PHF19: variants seen among roughly 807,000 people sequenced by gnomAD.
PHF19 encodes polycomb like 3.
PHF19 carries 21 observed loss-of-function variants against 79.8 expected under a neutral mutation model. The ratio of observed to expected loss-of-function variants is 0.26; its 90% confidence interval spans 0.19 to 0.38. The LOEUF is 0.38. Among genes scored for constraint, PHF19 ranks in the 10% least tolerant of loss-of-function variants. The pLI is 1.00. For synonymous variants in PHF19, 273 were observed against 296.3 expected (o/e 0.92, Z 0.81); for missense variants, 445 against 744.2 (o/e 0.60, Z 4.68).
intron 1 of PHF19, among the ~76,000 whole-genome samples, chr9:120,894,632 G>C (rs1190252392): frequency 2.0e-5 from 3 of 151,702 alleles, no homozygotes; most frequent in Non-Finnish European, 4.4e-5. Context: ...GCGCGGGCCA[G>C]GAGCCGGCGC....
chr9:120,901,948 G>A, the PHF19 span, among the ~76,000 whole-genome samples: 10 of 152,190 alleles, frequency 6.6e-5, no homozygotes, highest in Non-Finnish European at 1.5e-4. Flanking sequence ...TGGAACCTCC[G>A]GGGGCAAGGC....
At position 120,862,676 on chromosome 9, in the gene PHF19, G is replaced by C; in HGVS notation, c.1042C>G (p.Pro348Ala). Reference sequence around the variant, plus strand: ...CCTTTGTCAGGCAGCAGCTTCCCTGGCGGGTTGGGTGGGACGCGGATGCGC... The same window carrying C: ...CCTTTGTCAGGCAGCAGCTTCCCTGCCGGGTTGGGTGGGACGCGGATGCGC... ...RLRIRVPPNP[P>A]GKLLPDKGLL... The change falls in exon 11 of 15, where the codon CCA (proline) becomes GCA (alanine). Residue 348 changes from proline (P) to alanine (A), a missense_variant. Physicochemically the swap from Pro to Ala is conservative, Grantham distance 27. Around this residue, in one of 5 missense-constraint regions of PHF19, gnomAD observed 83 missense variants for 85.5 expected, o/e 0.97. Transcript: ENST00000373896. The surrounding 1 kb of genome is among the most constrained non-coding windows in gnomAD (Gnocchi z 4.6). The C allele has an allele frequency of 6.2e-7, 1 of 1,614,170 alleles. No homozygotes were observed. Among genetic ancestry groups the C allele is most frequent in the Non-Finnish European group, 8.5e-7 (1 of 1,179,978 alleles).
intron 3 of PHF19, among the ~76,000 whole-genome samples, chr9:120,871,394 A>G (rs1301054048): frequency 6.6e-6 from 1 of 152,252 alleles, no homozygotes; most frequent in Non-Finnish European, 1.5e-5. Context: ...AACATAATTA[A>G]AACACCTCTA....
upstream of PHF19, among the ~76,000 whole-genome samples, chr9:120,895,790 C>T (rs1159106955): frequency 4.6e-5 from 7 of 152,112 alleles, no homozygotes; most frequent in African/African-American, 7.2e-5. Context: ...GTAGCTGGGA[C>T]TACAGGCATG....
At position 120,861,590 on chromosome 9, in the gene PHF19, TG is replaced by T. The variant is rs573649157; in HGVS notation, c.1218+327del. 5.6e-4 allele frequency among the ~76,000 whole-genome samples: 85 copies of T among 152,322 alleles called. 1 individual carries two copies. The South Asian group carries it at 0.018, about 32-fold the overall frequency. Reference sequence around the variant, plus strand: ...TACTGAAGGAGGAAAGAAAGTGCTCTGGAACCCTGGTTCCAGGCTGGGCTCT... The same window carrying T: ...TACTGAAGGAGGAAAGAAAGTGCTCTGAACCCTGGTTCCAGGCTGGGCTCT... On this transcript the variant is annotated intron_variant, in intron 12 of 14. Coordinates refer to ENST00000373896, the MANE Select transcript of PHF19 (RefSeq NM_015651.3).
Position 120,893,998 on chromosome 9 carries a change from T to A in PHF19, c.42+790A>T, listed in dbSNP as rs531597581. ...TCCAGAACTACTGACTCAAACCATG[T>A]GGGGCCCACCCAGCGCTCCCAGTTT... On this transcript the variant is annotated intron_variant, in intron 1 of 14. Coordinates refer to the PHF19 transcript ENST00000616568. 2.0e-5 allele frequency among the ~76,000 whole-genome samples: 3 copies of A among 152,332 alleles called. No individual in the cohort carries two copies. The South Asian group carries it at 6.2e-4, about 32-fold the overall frequency.
At chr9:120,895,839 G>C (rs2046396938), upstream of PHF19, among the ~76,000 whole-genome samples, 1 of 152,160 alleles carries the variant, frequency 6.6e-6, no homozygotes, top group African/African-American at 2.4e-5. Context: ...TTTTAGTAGA[G>C]ATGGGGTTTC....
intron 3 of PHF19, among the ~76,000 whole-genome samples, chr9:120,872,881 C>T (rs1274474512): frequency 6.6e-6 from 1 of 152,050 alleles, no homozygotes; most frequent in Non-Finnish European, 1.5e-5. Flanking sequence ...CTTGGCCTCC[C>T]AAAGTGCTGG....
chr9:120,876,901 CG>C, intron 1 of PHF19, 189 bp downstream of exon 1: 1 of 890,972 alleles, frequency 1.1e-6, no homozygotes. Context: ...CTCGGGAACC[CG>C]GGTGGGGCCC....
At chr9:120,896,406 G>T (rs1182202539), upstream of PHF19, among the ~76,000 whole-genome samples, 4 of 148,236 alleles carry the variant, frequency 2.7e-5, no homozygotes, top group Non-Finnish European at 6.0e-5. Flanking sequence ...AGACAGTGTT[G>T]GTTTTTGTGT....
Position 120,869,587 on chromosome 9 carries a change from TTTTC to T in PHF19, c.465+254_465+257del. On this transcript the variant is annotated intron_variant, in intron 5 of 14. Coordinates refer to ENST00000373896, the MANE Select transcript of PHF19 (RefSeq NM_015651.3). The surrounding 1 kb of genome is among the most constrained non-coding windows in gnomAD (Gnocchi z 5.8). The stretch of plus-strand genomic sequence containing the variant: ...AATTACCAACATGTATTTACATGGA[TTTTC>T]TTTTTTAATAGTAAAGCATCATTTA... The T allele has an allele frequency of 6.8e-7, 1 of 1,470,878 alleles. No homozygotes were observed. Among genetic ancestry groups the T allele is most frequent in the Non-Finnish European group, 9.0e-7 (1 of 1,113,074 alleles). 91.1% of individuals were successfully genotyped at this position (1,470,878 alleles called of 1,614,324 possible).
At chr9:120,902,277 G>A in the PHF19 span, 8 of 152,074 alleles carry the variant, frequency 5.3e-5, no homozygotes, top group Admixed American at 1.3e-4. Context: ...AGCACCTTCG[G>A]GAACTGCTGG....
In PHF19 at chr9:120,862,977, G is replaced by A; in HGVS notation, c.969-228C>T. Reference sequence around the variant, plus strand: ...CCTGTGCTTCCTCCTGCATGAGTGTGGTTCTTGCTGCTCTTCTCCCTTTTG... The same window carrying A: ...CCTGTGCTTCCTCCTGCATGAGTGTAGTTCTTGCTGCTCTTCTCCCTTTTG... On this transcript the variant is annotated intron_variant, in intron 10 of 14. Transcript: ENST00000373896. This position sits in a 1 kb window ranked among gnomAD's most constrained non-coding sequence, Gnocchi z 4.6. The A allele has an allele frequency of 3.7e-6, 2 of 535,186 alleles. No homozygotes were observed. The highest frequency in any genetic ancestry group is 6.7e-6 in the Non-Finnish European group (2 of 297,026). The allele number at this position is 535,186 out of a possible 1,614,324, so 33.2% of individuals were successfully genotyped here.
Position 120,870,556 on chromosome 9 carries a change from G to GAGGGTC in PHF19, c.269-24_269-19dup. ...AACACCGGCTGAAAGAGAGGGCCTC[G>GAGGGTC]AGGGTCGGGTCCAGCTCACAGGAAT... On this transcript the variant is annotated intron_variant, in intron 3 of 14. Transcript: ENST00000373896. This position sits in a 1 kb window ranked among gnomAD's most constrained non-coding sequence, Gnocchi z 4.4. The GAGGGTC allele has an allele frequency of 6.9e-7, 1 of 1,459,824 alleles. No individual in the cohort carries two copies. Among genetic ancestry groups the GAGGGTC allele is most frequent in the East Asian group, 2.3e-5 (1 of 44,116 alleles). The allele number at this position is 1,459,824 out of a possible 1,614,324, so 90.4% of individuals were successfully genotyped here.
In PHF19 at chr9:120,865,719, C is replaced by T. The variant is rs2045678962; in HGVS notation, c.891G>A (p.Gln297=). 8 of 1,614,234 alleles carry T rather than the reference C, an allele frequency of 5.0e-6. No individual in the cohort carries two copies. Among genetic ancestry groups the T allele is most frequent in the African/African-American group, 1.3e-5 (1 of 75,060 alleles). Residue 297 remains glutamine, a synonymous_variant, in exon 9 of 15, where the codon CAG becomes CAA. Coordinates refer to ENST00000373896, the MANE Select transcript of PHF19 (RefSeq NM_015651.3). ...CCACAACCCCACATACCTTGCCAAG[C>T]TGCAGGAGCTCCCAGTGGTGGTTGA... The part of the protein sequence containing the change: ...AFVNHHWELL[Q]LGKLTSTPVT...
At chr9:120,899,869 G>A (rs2046425788), upstream of PHF19, among the ~76,000 whole-genome samples, 1 of 152,192 alleles carries the variant, frequency 6.6e-6, no homozygotes, top group Non-Finnish European at 1.5e-5. Flanking sequence ...ACTGGTGCAG[G>A]ACACTGCCCT....
chr9:120,901,940 G>A, the PHF19 span, among the ~76,000 whole-genome samples: 2,310 of 152,272 alleles, frequency 0.015, 25 homozygotes, highest in Non-Finnish European at 0.026. Context: ...ACTACAGCTG[G>A]AACCTCCGGG....
At chr9:120,871,810 C>T (rs536378647) in intron 3 of PHF19, among the ~76,000 whole-genome samples, 23 of 151,926 alleles carry the variant, frequency 1.5e-4, no homozygotes, top group Admixed American at 5.2e-4. Context: ...GAGGCCGAGG[C>T]GGGCGGATCA....
chr9:120,881,022 G>A (rs2046172690), upstream of PHF19, among the ~76,000 whole-genome samples: 1 of 152,040 alleles, frequency 6.6e-6, no homozygotes, highest in African/African-American at 2.4e-5. Flanking sequence ...AGACATTTTG[G>A]GGCTACAGTC....
Sources: gnomAD v4.1 joint callset for allele counts (sites outside exome capture counted in the v4.1 genomes callset) on GRCh38, gnomAD v4.1.1 for gene constraint, gnomAD v4.1.1 regional missense constraint, Gnocchi (gnomAD v3.1) non-coding constraint, MANE v1.5 for transcripts, NCBI Gene and HGNC (gene_info 2026-07-23, HGNC 2026-07-21) for gene names.